The following ADAMTS19 variants were observed in gnomAD, a reference collection of about 807,000 sequenced individuals.
The protein encoded by ADAMTS19 is A disintegrin and metalloproteinase with thrombospondin motifs 19.
Under a neutral mutation model 153.3 loss-of-function variants are expected in ADAMTS19, and 93 were observed. That is an observed-to-expected ratio of 0.61 (90% CI 0.51 to 0.72). The LOEUF (loss-of-function observed/expected upper bound fraction) is 0.72. ADAMTS19 is among the 30% of genes least tolerant of loss of function. The pLI is 0.00. For missense variants in ADAMTS19, 1,482 were observed against 1,552.1 expected, an observed-to-expected ratio of 0.95 and a Z score of 0.76; for synonymous variants, 600 against 556.6, an observed-to-expected ratio of 1.08 and a Z score of -1.10.
At chr5:129,571,067 C>T (rs1051195795) in intron 7 of ADAMTS19, among the ~76,000 whole-genome samples, 1 of 151,770 alleles carries the variant, frequency 6.6e-6, no homozygotes, top group South Asian at 2.1e-4. Flanking sequence ...CCCAGATATG[C>T]AATTAGGTGA....
rs3979171 is a variant in ADAMTS19 at position 129,665,881 on chromosome 5, C to CATATATATATAT, written c.2506+313_2506+324dup. ...GAATGATTTGGGTATGATTTATATTCATATATATATATATATATATATTTC... is the reference window on the plus strand; with the variant it reads ...GAATGATTTGGGTATGATTTATATTCATATATATATATATATATATATATATATATATATTTC... On this transcript the variant is annotated intron_variant, in intron 16 of 22. Transcript: ENST00000274487. Among the ~76,000 whole-genome samples, 116 of 143,658 alleles carry CATATATATATAT rather than the reference C, an allele frequency of 8.1e-4. 1 individual carries two copies. Among genetic ancestry groups the CATATATATATAT allele is most frequent in the African/African-American group, 2.6e-3 (105 of 39,788 alleles). 94.2% of individuals were successfully genotyped at this position (143,658 alleles called of 152,430 possible).
chr5:129,516,672 T>C (rs2126739034), intron 3 of ADAMTS19, among the ~76,000 whole-genome samples: 1 of 152,030 alleles, frequency 6.6e-6, no homozygotes, highest in Non-Finnish European at 1.5e-5. Context: ...TTTTATTTGT[T>C]TGGACCTTCT....
chr5:129,671,131 G>A (rs370691475), intron 16 of ADAMTS19, among the ~76,000 whole-genome samples: 3 of 152,128 alleles, frequency 2.0e-5, no homozygotes, highest in Admixed American at 6.6e-5. Context: ...AATTCACCTC[G>A]GATGAATCAG....
chr5:129,461,348 C>T lies in ADAMTS19; in HGVS notation c.338C>T (p.Pro113Leu), dbSNP rs1749648278. 3 of 1,333,492 alleles carry T rather than the reference C, an allele frequency of 2.2e-6. No homozygotes were observed. Among genetic ancestry groups the T allele is most frequent in the Non-Finnish European group, 2.9e-6 (3 of 1,051,222 alleles). The allele number at this position is 1,333,492 out of a possible 1,614,324, so 82.6% of individuals were successfully genotyped here. Reference protein sequence around the residue: ...GRSESRLRPPPPSEGEEDEEL... With the variant: ...GRSESRLRPPLPSEGEEDEEL... ...TCAGAGTCCCGGCTCCGGCCCCCGC[C>T]GCCGTCGGAGGGTGAGGAGGACGAG... The change falls in exon 2 of 23, where the codon CCG (proline) becomes CTG (leucine). Residue 113 changes from proline to leucine, a missense_variant. By Grantham distance (98) the Pro-to-Leu change is moderately conservative. This residue lies in a region of ADAMTS19 where 866 missense variants were observed against 827.7 expected (regional missense o/e 1.05). Coordinates refer to ENST00000274487, the MANE Select transcript of ADAMTS19 (RefSeq NM_133638.6). This position sits in a 1 kb window ranked among gnomAD's most constrained non-coding sequence, Gnocchi z 4.6.
At chr5:129,713,472 A>T (rs986104680) in intron 21 of ADAMTS19, among the ~76,000 whole-genome samples, 15 of 152,202 alleles carry the variant, frequency 9.9e-5, no homozygotes, top group Non-Finnish European at 1.9e-4. Context: ...TTAAAATGTA[A>T]CAAACAGGCT....
rs1468519759 is a variant in ADAMTS19, at chr5:129,735,078, T to A, written c.3459T>A (p.Ile1153=). ...ATCTTCAACCCTGCAATGAGAAAAT[T>A]AATGTAAATACCATAACATCACCCA... ...PCHLQPCNEK[I]NVNTITSPRL... is the part of the protein sequence containing the mutation. Residue 1153 remains isoleucine, a synonymous_variant, in exon 22 of 23, where the codon ATT becomes ATA. Coordinates refer to ENST00000274487, the MANE Select transcript of ADAMTS19 (RefSeq NM_133638.6). The A allele has an allele frequency of 6.2e-7, 1 of 1,602,822 alleles. No individual in the cohort carries two copies. Among genetic ancestry groups the A allele is most frequent in the Non-Finnish European group, 8.5e-7 (1 of 1,175,944 alleles).
In ADAMTS19 at chr5:129,518,405, G is replaced by A. The variant is rs558037924; in HGVS notation, c.914-7879G>A. On this transcript the variant is annotated intron_variant, in intron 3 of 22. Transcript: ENST00000274487. ...GGTCTGGTATTGCTGAAATCCCTCAGTTTTTGTTTGTCTGGGAAAGTGTTT... is the reference window on the plus strand; with the variant it reads ...GGTCTGGTATTGCTGAAATCCCTCAATTTTTGTTTGTCTGGGAAAGTGTTT... Among the ~76,000 whole-genome samples, 8 of 152,118 alleles carry A rather than the reference G, an allele frequency of 5.3e-5. No homozygotes were observed. In the South Asian group the frequency reaches 1.7e-3, roughly 32 times the overall value.
chr5:129,520,501 A>G (rs567115619), intron 3 of ADAMTS19, among the ~76,000 whole-genome samples: 1 of 151,290 alleles, frequency 6.6e-6, no homozygotes, highest in East Asian at 1.9e-4. Flanking sequence ...GTGAAACCTA[A>G]GAGAGTAAGA....
At chr5:129,620,042 T>G (rs1381248824) in intron 8 of ADAMTS19, among the ~76,000 whole-genome samples, 2 of 151,946 alleles carry the variant, frequency 1.3e-5, no homozygotes, top group Non-Finnish European at 2.9e-5. Context: ...AGAACATCTA[T>G]TTAGAAATAA....
intron 8 of ADAMTS19, among the ~76,000 whole-genome samples, chr5:129,615,392 T>C (rs1751466474): frequency 6.6e-6 from 1 of 152,024 alleles, no homozygotes; most frequent in South Asian, 2.1e-4. Context: ...CTTTCCAGAA[T>C]TTTAAGTAAA....
Position 129,461,340 on chromosome 5 carries a change from G to T in ADAMTS19, c.330G>T (p.Arg110=), listed in dbSNP as rs1749647542. The T allele has an allele frequency of 7.5e-7, 1 of 1,333,232 alleles. No individual in the cohort carries two copies. Among genetic ancestry groups the T allele is most frequent in the Non-Finnish European group, 9.5e-7 (1 of 1,050,980 alleles). 82.6% of individuals were successfully genotyped at this position (1,333,232 alleles called of 1,614,324 possible). A position where few individuals can be genotyped will look rare whatever the true frequency, so the allele number is the denominator to read the frequency against. ...AGGGCCGATCAGAGTCCCGGCTCCG[G>T]CCCCCGCCGCCGTCGGAGGGTGAGG... is the stretch of plus-strand genomic sequence containing the variant. The part of the protein sequence containing the change: ...PVEGRSESRL[R]PPPPSEGEED... The change falls in exon 2 of 23, where the codon CGG becomes CGT. Residue 110 remains arginine (R), a synonymous_variant. Transcript: ENST00000274487. The surrounding 1 kb of genome is among the most constrained non-coding windows in gnomAD (Gnocchi z 4.6).
chr5:129,688,852 T>C (rs1164569989), intron 18 of ADAMTS19, among the ~76,000 whole-genome samples: 1 of 152,224 alleles, frequency 6.6e-6, no homozygotes, highest in African/African-American at 2.4e-5. Context: ...GTTAGAGTTC[T>C]AAAACATCTT....
intron 13 of ADAMTS19, 58 bp from the exon 14 acceptor site, chr5:129,654,248 G>GAA: frequency 1.3e-6 from 2 of 1,493,648 alleles, no homozygotes; most frequent in South Asian, 1.3e-5. Flanking sequence ...TGAAGCTTAA[G>GAA]ATAAAAATAT....
chr5:129,730,734 T>G (rs1384176069), intron 21 of ADAMTS19, among the ~76,000 whole-genome samples: 1 of 152,166 alleles, frequency 6.6e-6, no homozygotes, highest in East Asian at 1.9e-4. Context: ...CTCACATGAA[T>G]TTATTGACTA....
chr5:129,557,912 T>A (rs1753369457), intron 7 of ADAMTS19, among the ~76,000 whole-genome samples: 1 of 152,040 alleles, frequency 6.6e-6, no homozygotes, highest in African/African-American at 2.4e-5. Flanking sequence ...GGTTATTTTA[T>A]TGCAGGTTTA....
chr5:129,700,235 A>T (rs1755769331), intron 19 of ADAMTS19, among the ~76,000 whole-genome samples: 1 of 152,206 alleles, frequency 6.6e-6, no homozygotes, highest in South Asian at 2.1e-4. Context: ...ATACGTATGT[A>T]TTAGCTGCTG....
chr5:129,556,280 T>C (rs1345139212), intron 7 of ADAMTS19, among the ~76,000 whole-genome samples: 3 of 152,164 alleles, frequency 2.0e-5, no homozygotes, highest in Admixed American at 1.3e-4. Flanking sequence ...TCCCTGAAAT[T>C]AGGATTCATT....
chr5:129,623,917 G>A (rs1346960851), intron 10 of ADAMTS19, among the ~76,000 whole-genome samples: 10 of 151,346 alleles, frequency 6.6e-5, no homozygotes, highest in Admixed American at 2.6e-4. Context: ...TCAGGAGATC[G>A]AGACCATCCT....
At chr5:129,527,438 C>T (rs1258436868) in intron 4 of ADAMTS19, among the ~76,000 whole-genome samples, 2 of 150,174 alleles carry the variant, frequency 1.3e-5, no homozygotes, top group Admixed American at 1.3e-4. Flanking sequence ...GAGCACTCCT[C>T]TAAAATGCGA....
Sources: gnomAD v4.1 joint callset for allele counts (sites outside exome capture counted in the v4.1 genomes callset) on GRCh38, gnomAD v4.1.1 for gene constraint, gnomAD v4.1.1 regional missense constraint, Gnocchi (gnomAD v3.1) non-coding constraint, MANE v1.5 for transcripts, NCBI Gene and HGNC (gene_info 2026-07-23, HGNC 2026-07-21) for gene names.